ZNF213: variants seen among roughly 807,000 people sequenced by gnomAD.
The protein encoded by ZNF213 is putative transcription factor CR53.
In ZNF213, 32 loss-of-function variants were observed where a neutral mutation model predicts 46.0. The ratio of observed to expected loss-of-function variants is 0.70; its 90% CI spans 0.52 to 0.93. The LOEUF (loss-of-function observed/expected upper bound fraction) is 0.93. Among genes scored for constraint, ZNF213 ranks in the 40% least tolerant of loss-of-function variants. The pLI is 0.00. For synonymous variants in ZNF213, 297 were observed against 271.0 expected (o/e 1.10, Z -0.94); for missense variants, 639 against 652.8 (o/e 0.98, Z 0.23).
intron 2 of ZNF213, 26 bp downstream of exon 2, chr16:3,137,705 G>T (rs776485381): frequency 6.2e-7 from 1 of 1,608,526 alleles, no homozygotes; most frequent in African/African-American, 1.3e-5. Context: ...ACATCCAGGG[G>T]CACCTGGATG....
In ZNF213 at chr16:3,138,826, A is replaced by T; in HGVS notation, c.597+8A>T. 6.2e-7 allele frequency: 1 copy of T among 1,614,066 alleles called. No homozygotes were observed. Among genetic ancestry groups the T allele is most frequent in the East Asian group, 2.2e-5 (1 of 44,864 alleles). ...TTTGTCTCTGGGGTCCATGTGAGTCACCAGTCCCTTTGTCTTCTTTAAGGC... is the reference window on the plus strand; with the variant it reads ...TTTGTCTCTGGGGTCCATGTGAGTCTCCAGTCCCTTTGTCTTCTTTAAGGC... On this transcript the variant is annotated splice_region_variant and intron_variant, in intron 4 of 5. Transcript: ENST00000396878.
Position 3,140,883 on chromosome 16 carries a change from C to A in ZNF213, c.916C>A (p.Arg306Ser). 2 of 1,577,772 alleles carry A rather than the reference C, an allele frequency of 1.3e-6. No individual in the cohort carries two copies. Among genetic ancestry groups the A allele is most frequent in the Non-Finnish European group, 1.7e-6 (2 of 1,165,504 alleles). Residue 306 changes from arginine (R) to serine (S), a missense_variant, in exon 6 of 6, where the codon CGC (arginine) becomes AGC (serine). Physicochemically the swap from Arg to Ser is moderately radical, Grantham distance 110. Transcript: ENST00000396878. ...ACGGGGGCGGCCACCCACTCGCCGG[C>A]GCCAGTTCCGGGACCTGGCAGCCGA... ...ARRGRPPTRR[R>S]QFRDLAAEKP...
chr16:3,136,238 T>C (rs1957535707), intron 1 of ZNF213, among the ~76,000 whole-genome samples: 1 of 152,220 alleles, frequency 6.6e-6, no homozygotes, highest in African/African-American at 2.4e-5. Context: ...TACATTTATA[T>C]GTACCTGTGG....
At position 3,137,447 on chromosome 16, in the gene ZNF213, T is replaced by C. The variant is rs1277564161; in HGVS notation, c.167T>C (p.Val56Ala). ...QRFRQFCYGDVHGPHEAFSQL... is the reference protein window; with the variant it reads ...QRFRQFCYGDAHGPHEAFSQL... ...TTCCGGCAATTCTGCTACGGGGATGTGCATGGGCCTCATGAGGCCTTCAGC... is the reference window on the plus strand; with the variant it reads ...TTCCGGCAATTCTGCTACGGGGATGCGCATGGGCCTCATGAGGCCTTCAGC... Residue 56 changes from valine (V) to alanine (A), a missense_variant, in exon 2 of 6, where the codon GTG becomes GCG. Physicochemically the swap from Val to Ala is moderately conservative, Grantham distance 64 (BLOSUM62 0). Transcript: ENST00000396878. 6.2e-7 allele frequency: 1 copy of C among 1,613,930 alleles called. No individual in the cohort carries two copies. The highest frequency in any genetic ancestry group is 1.7e-5 in the Admixed American group (1 of 60,026).
chr16:3,137,156 C>G lies in ZNF213; in HGVS notation c.-115-10C>G. On this transcript the variant is annotated splice_polypyrimidine_tract_variant and intron_variant, in intron 1 of 5. Coordinates refer to ENST00000396878, the MANE Select transcript of ZNF213 (RefSeq NM_004220.3). ...TCCTCCTCAGTCCTGCCATTTTGCTCTTTCCCCAGGAGTACACATCCAGAT... is the reference window on the plus strand; with the variant it reads ...TCCTCCTCAGTCCTGCCATTTTGCTGTTTCCCCAGGAGTACACATCCAGAT... The G allele has an allele frequency of 7.4e-7, 1 of 1,347,680 alleles. No homozygotes were observed. Among genetic ancestry groups the G allele is most frequent in the Non-Finnish European group, 1.0e-6 (1 of 1,001,460 alleles). The allele number at this position is 1,347,680 out of a possible 1,614,324, so 83.5% of individuals were successfully genotyped here. A position where few individuals can be genotyped will look rare whatever the true frequency, so the allele number is the denominator to read the frequency against.
At chr16:3,139,829 C>T (rs1174466237) in intron 5 of ZNF213, 1 of 151,976 alleles carries the variant, frequency 6.6e-6, no homozygotes, top group East Asian at 1.9e-4. Flanking sequence ...CTGAAACTTC[C>T]ACCTCCCGGG....
chr16:3,137,478 C>T lies in ZNF213; in HGVS notation c.198C>T (p.Leu66=), dbSNP rs777946424. ...VHGPHEAFSQ[L]WELCCRWLRP... ...GGCCTCATGAGGCCTTCAGCCAGCT[C>T]TGGGAGCTCTGCTGCCGCTGGCTGC... Residue 66 remains leucine, a synonymous_variant, in exon 2 of 6, where the codon CTC becomes CTT. Transcript: ENST00000396878. The T allele has an allele frequency of 6.2e-7, 1 of 1,613,932 alleles. No individual in the cohort carries two copies. Among genetic ancestry groups the T allele is most frequent in the South Asian group, 1.1e-5 (1 of 91,078 alleles).
At position 3,141,307 on chromosome 16, in the gene ZNF213, A is replaced by C; in HGVS notation, c.1340A>C (p.His447Pro). 6.3e-7 allele frequency: 1 copy of C among 1,598,088 alleles called. No homozygotes were observed. Among genetic ancestry groups the C allele is most frequent in the Non-Finnish European group, 8.5e-7 (1 of 1,173,296 alleles). ...SFKQRAHLIAHQSLHAKMAQP... is the reference protein window; with the variant it reads ...SFKQRAHLIAPQSLHAKMAQP... ...AAGCAGCGCGCGCACCTCATCGCGC[A>C]TCAGAGCCTGCACGCCAAGATGGCC... The change falls in exon 6 of 6, where the codon CAT becomes CCT. Residue 447 changes from histidine (H) to proline (P), a missense_variant. Physicochemically the swap from His to Pro is moderately conservative, Grantham distance 77. Transcript: ENST00000396878.
intron 5 of ZNF213, chr16:3,139,400 G>A (rs1045622665): frequency 8.8e-5 from 28 of 316,946 alleles, no homozygotes; most frequent in African/African-American, 5.5e-4. Context: ...TGAGACTCAG[G>A]TCAGTGGATG....
rs770254217 is a variant in ZNF213, at chr16:3,138,530, A to C, written c.512A>C (p.His171Pro). 22 of 1,614,012 alleles carry C rather than the reference A, an allele frequency of 1.4e-5. No homozygotes were observed. The highest frequency in any genetic ancestry group is 1.9e-5 in the Non-Finnish European group (22 of 1,180,000). The change falls in exon 3 of 6, where the codon CAC (histidine) becomes CCC (proline). Residue 171 changes from histidine (H) to proline (P), a missense_variant. Physicochemically the swap from His to Pro is moderately conservative, Grantham distance 77. Transcript: ENST00000396878. ...CGGCCGTCTGTTCCCCAGGAGCAGC[A>C]CAGCCATAGCGGTGAGTAAGCCTCC... ...RRRPSVPQEQ[H>P]SHSAQPPALL...
chr16:3,138,838 G>A lies in ZNF213; in HGVS notation c.597+20G>A, dbSNP rs1273882358. 6.2e-7 allele frequency: 1 copy of A among 1,613,938 alleles called. No homozygotes were observed. The highest frequency in any genetic ancestry group is 2.2e-5 in the East Asian group (1 of 44,890). Reference sequence around the variant, plus strand: ...GTCCATGTGAGTCACCAGTCCCTTTGTCTTCTTTAAGGCACTTGGCCCTGT... The same window carrying A: ...GTCCATGTGAGTCACCAGTCCCTTTATCTTCTTTAAGGCACTTGGCCCTGT... On this transcript the variant is annotated intron_variant, in intron 4 of 5. Coordinates refer to ENST00000396878, the MANE Select transcript of ZNF213 (RefSeq NM_004220.3).
chr16:3,137,684 G>A lies in ZNF213; in HGVS notation c.399+5G>A, dbSNP rs2717687. On this transcript the variant is annotated splice_donor_5th_base_variant and intron_variant, in intron 2 of 5. Coordinates refer to ENST00000396878, the MANE Select transcript of ZNF213 (RefSeq NM_004220.3). ...CCAGTGAAAGCCTGGCGACAGGTGAGGGGCCCTTCCACATCCAGGGGCACC... is the reference window on the plus strand; with the variant it reads ...CCAGTGAAAGCCTGGCGACAGGTGAAGGGCCCTTCCACATCCAGGGGCACC... The A allele has an allele frequency of 1.8e-5, 29 of 1,612,692 alleles. No individual in the cohort carries two copies. The highest frequency in any genetic ancestry group is 4.0e-5 in the African/African-American group (3 of 74,912).
chr16:3,138,435 G>C lies in ZNF213; in HGVS notation c.417G>C (p.Glu139Asp). ...KAWRQDVPSE[E>D]AEPEAAGRGS... The stretch of plus-strand genomic sequence containing the variant: ...CTGCACAGGATGTGCCCTCGGAGGA[G>C]GCGGAACCCGAGGCTGCAGGCCGGG... The change falls in exon 3 of 6, where the codon GAG becomes GAC. Residue 139 changes from glutamate (E) to aspartate (D), a missense_variant. Glu to Asp is a conservative substitution (Grantham distance 45). Transcript: ENST00000396878. 6.2e-7 allele frequency: 1 copy of C among 1,613,518 alleles called. No homozygotes were observed. Among genetic ancestry groups the C allele is most frequent in the Non-Finnish European group, 8.5e-7 (1 of 1,179,710 alleles).
rs1369081820 is a variant in ZNF213, at chr16:3,142,027, T to C, written c.*680T>C. 1 of 156,936 alleles carries C rather than the reference T, an allele frequency of 6.4e-6. No homozygotes were observed. Among genetic ancestry groups the C allele is most frequent in the Non-Finnish European group, 1.4e-5 (1 of 71,110 alleles). 9.7% of individuals were successfully genotyped at this position (156,936 alleles called of 1,614,324 possible). On this transcript the variant is annotated 3_prime_UTR_variant, in exon 6 of 6. Coordinates refer to ENST00000396878, the MANE Select transcript of ZNF213 (RefSeq NM_004220.3). ...CTGCCCACCAATCTGGTGAGGATAA[T>C]GGTGGCTCCAGCGACAGGAGGCCAA...
Position 3,141,796 on chromosome 16 carries a change from C to CA in ZNF213, c.*449_*450insA, listed in dbSNP as rs1957607022. Reference sequence around the variant, plus strand: ...CCTTTCAGTGGGCGTGGAGGACTGGCCTTGGCCCCCCAGGGGGCTGCTGGA... The same window carrying CA: ...CCTTTCAGTGGGCGTGGAGGACTGGCACTTGGCCCCCCAGGGGGCTGCTGGA... On this transcript the variant is annotated 3_prime_UTR_variant, in exon 6 of 6. Coordinates refer to ENST00000396878, the MANE Select transcript of ZNF213 (RefSeq NM_004220.3). 6.0e-6 allele frequency: 1 copy of CA among 166,140 alleles called. No homozygotes were observed. Among genetic ancestry groups the CA allele is most frequent in the Non-Finnish European group, 1.3e-5 (1 of 77,672 alleles). The allele number at this position is 166,140 out of a possible 1,614,324, so 10.3% of individuals were successfully genotyped here. A position where few individuals can be genotyped will look rare whatever the true frequency, so the allele number is the denominator to read the frequency against.
Position 3,138,838 on chromosome 16 carries a change from GTCT to G in ZNF213, c.597+25_597+27del. On this transcript the variant is annotated intron_variant, in intron 4 of 5. Transcript: ENST00000396878. The stretch of plus-strand genomic sequence containing the variant: ...GTCCATGTGAGTCACCAGTCCCTTT[GTCT>G]TCTTTAAGGCACTTGGCCCTGTTGA... The G allele has an allele frequency of 6.2e-7, 1 of 1,614,056 alleles. No individual in the cohort carries two copies. The highest frequency in any genetic ancestry group is 1.6e-4 in the Middle Eastern group (1 of 6,062).
intron 2 of ZNF213, 194 bp from the exon 3 acceptor site, chr16:3,138,224 C>G: frequency 9.1e-7 from 1 of 1,103,810 alleles, no homozygotes; most frequent in South Asian, 1.6e-5. Context: ...CGTGAATGAT[C>G]GGGGAGCATC....
chr16:3,135,411 A>G (rs1407878672), intron 1 of ZNF213, 24 bp downstream of exon 1: 1 of 152,250 alleles, frequency 6.6e-6, no homozygotes, highest in Non-Finnish European at 1.5e-5. Flanking sequence ...CTCTTCGAGG[A>G]AAGTCTTCTT....
At chr16:3,137,143 C>A in intron 1 of ZNF213, 23 bp from the exon 2 acceptor site, 1 of 1,169,568 alleles carries the variant, frequency 8.6e-7, no homozygotes, top group Non-Finnish European at 1.2e-6. Context: ...CTCCTCAGTC[C>A]TGCCATTTTG....
Sources: allele counts gnomAD v4.1 joint callset (sites outside exome capture counted in the v4.1 genomes callset), GRCh38; gene constraint gnomAD v4.1.1; transcripts MANE v1.5; gene names NCBI Gene and HGNC (gene_info 2026-07-23, HGNC 2026-07-21).